SRP72: variants seen among roughly 807,000 people sequenced by gnomAD.
SRP72 encodes the protein signal recognition particle subunit SRP72.
In SRP72, 49 loss-of-function variants were observed where a neutral mutation model predicts 96.3. That is an observed-to-expected ratio of 0.51 (90% CI 0.40 to 0.65). The LOEUF (loss-of-function observed/expected upper bound fraction) is 0.65, where lower values mean the gene tolerates loss of function less well. SRP72 is among the 30% of genes least tolerant of loss of function. The probability of loss-of-function intolerance (pLI) is 0.00; values close to 1 mark genes in which losing one functional copy is unlikely to be tolerated. For missense variants in SRP72, 736 were observed against 793.3 expected, an observed-to-expected ratio of 0.93 and a Z score of 0.87; for synonymous variants, 267 against 275.2, an observed-to-expected ratio of 0.97 and a Z score of 0.30.
chr4:56,487,706 A>AG (rs1720765512), intron 11 of SRP72, among the ~76,000 whole-genome samples: 1 of 152,208 alleles, frequency 6.6e-6, no homozygotes, highest in South Asian at 2.1e-4. Context: ...CAGCTCTGCC[A>AG]TTAACTTTCT....
chr4:56,484,784 G>T lies in SRP72; in HGVS notation c.1006G>T (p.Glu336Ter). ...ISASLQSQSP[E>*]HLLPVLIQAA... ...TGCCAGTTTACAGTCCCAAAGTCCC[G>T]AGCATCTCTTACCTGTGTTAATCCA... is the stretch of plus-strand genomic sequence containing the variant. Residue 336 changes from glutamate (E) to a stop codon, truncating the protein, a stop_gained, in exon 10 of 19, where the codon GAG becomes TAG. Coordinates refer to ENST00000642900, the MANE Select transcript of SRP72 (RefSeq NM_006947.4). LOFTEE classifies it high-confidence loss of function. 1 of 1,614,086 alleles carries T rather than the reference G, an allele frequency of 6.2e-7. No individual in the cohort carries two copies. Among genetic ancestry groups the T allele is most frequent in the Non-Finnish European group, 8.5e-7 (1 of 1,180,022 alleles).
chr4:56,484,610 C>A, intron 9 of SRP72, 126 bp from the exon 10 acceptor site: 1 of 1,247,694 alleles, frequency 8.0e-7, no homozygotes, highest in Non-Finnish European at 1.1e-6. Flanking sequence ...GATTCTCTTA[C>A]CCTAGGCAGT....
chr4:56,485,363 A>G (rs1171313112), intron 10 of SRP72, among the ~76,000 whole-genome samples: 1 of 148,690 alleles, frequency 6.7e-6, no homozygotes, highest in East Asian at 2.0e-4. Flanking sequence ...TAACAGGGAC[A>G]CTCAGTGAAG....
At chr4:56,476,792 T>A (rs765457494) in intron 6 of SRP72, 90 bp downstream of exon 6, 95 of 1,359,022 alleles carry the variant, frequency 7.0e-5, no homozygotes, top group Non-Finnish European at 9.4e-5. Flanking sequence ...TTGACTTTTT[T>A]TAGAAGATGG....
At position 56,489,406 on chromosome 4, in the gene SRP72, A is replaced by G; in HGVS notation, c.1243A>G (p.Met415Val). ...KPGMVSALVT[M>V]YSHEEDIDSA... is the part of the protein sequence containing the mutation. ...TGTGTAGGTATCTGCATTAGTTACC[A>G]TGTATAGCCATGAAGAAGATATTGA... The change falls in exon 13 of 19, where the codon ATG becomes GTG. Residue 415 changes from methionine to valine, a missense_variant. By Grantham distance (21) the Met-to-Val change is conservative (BLOSUM62 1). This residue lies in a region of SRP72 where 388 missense variants were observed against 431.8 expected (regional missense o/e 0.90). Transcript: ENST00000642900. 6.3e-7 allele frequency: 1 copy of G among 1,596,608 alleles called. No individual in the cohort carries two copies.
At chr4:56,473,262 A>C (rs889127250) in intron 3 of SRP72, among the ~76,000 whole-genome samples, 2 of 152,050 alleles carry the variant, frequency 1.3e-5, no homozygotes, top group South Asian at 4.1e-4. Flanking sequence ...GATCGAGACC[A>C]TCCTGGCTAA....
In SRP72 at chr4:56,490,630, C is replaced by G. The variant is rs556275625; in HGVS notation, c.1487C>G (p.Pro496Arg). The G allele has an allele frequency of 6.2e-7, 1 of 1,613,744 alleles. No individual in the cohort carries two copies. Among genetic ancestry groups the G allele is most frequent in the African/African-American group, 1.3e-5 (1 of 75,016 alleles). The part of the protein sequence containing the change: ...QLISAYSLVD[P>R]EKAKALSKHL... ...ATTTCTGCTTACTCACTTGTAGATCCAGAGAAAGCCAAAGCGTATCCTTTT... is the reference window on the plus strand; with the variant it reads ...ATTTCTGCTTACTCACTTGTAGATCGAGAGAAAGCCAAAGCGTATCCTTTT... Residue 496 changes from proline to arginine, a missense_variant, in exon 15 of 19, where the codon CCA (proline) becomes CGA (arginine). Coordinates refer to ENST00000642900, the MANE Select transcript of SRP72 (RefSeq NM_006947.4).
chr4:56,494,297 TGTC>T (rs1164404919), intron 16 of SRP72, among the ~76,000 whole-genome samples: 1 of 152,204 alleles, frequency 6.6e-6, no homozygotes, highest in African/African-American at 2.4e-5. Flanking sequence ...TAGGAATTGT[TGTC>T]TCATCTTTTT....
Position 56,491,581 on chromosome 4 carries a change from AT to A in SRP72, c.1640+15del. ...CAAAGGAACAAGGGTAATATTTTTC[AT>A]TGTAACGTTCTCTAATGCTGATTTT... On this transcript the variant is annotated intron_variant, in intron 16 of 18. Transcript: ENST00000642900. 6.2e-7 allele frequency: 1 copy of A among 1,611,000 alleles called. No individual in the cohort carries two copies. The highest frequency in any genetic ancestry group is 8.5e-7 in the Non-Finnish European group (1 of 1,178,046).
rs931466591 is a variant in SRP72, at chr4:56,497,514, C to T, written c.1678+2120C>T. Reference sequence around the variant, plus strand: ...GATTACAGGCGTGAGCCACTGCGCCCGGCCTGCACTTCAGTTTTTAACCAA... The same window carrying T: ...GATTACAGGCGTGAGCCACTGCGCCTGGCCTGCACTTCAGTTTTTAACCAA... On this transcript the variant is annotated intron_variant, in intron 17 of 18. Transcript: ENST00000642900. Among the ~76,000 whole-genome samples the T allele has an allele frequency of 2.6e-5, 4 of 152,034 alleles. No homozygotes were observed. The East Asian group carries it at 7.7e-4, about 29-fold the overall frequency.
At chr4:56,468,365 C>T (rs1719833667) in intron 1 of SRP72, among the ~76,000 whole-genome samples, 1 of 152,178 alleles carries the variant, frequency 6.6e-6, no homozygotes, top group Admixed American at 6.5e-5. Flanking sequence ...GAAATAATGT[C>T]GGAAGAAAAG....
chr4:56,499,409 C>T (rs1721183751), intron 17 of SRP72, among the ~76,000 whole-genome samples: 2 of 152,132 alleles, frequency 1.3e-5, no homozygotes, highest in Non-Finnish European at 2.9e-5. Flanking sequence ...AGCTTCTGCA[C>T]AGCAAAAGAA....
Position 56,467,691 on chromosome 4 carries a change from A to G in SRP72, c.56A>G (p.Asn19Ser). 1.3e-6 allele frequency: 2 copies of G among 1,546,752 alleles called. No homozygotes were observed. Among genetic ancestry groups the G allele is most frequent in the Non-Finnish European group, 1.7e-6 (2 of 1,147,034 alleles). ...VSVPALWSEV[N>S]RYGQNGDFTR... The stretch of plus-strand genomic sequence containing the variant: ...GTACCTGCGCTGTGGAGTGAAGTGA[A>G]CCGGTATGGCCAGAACGGCGACTTC... Residue 19 changes from asparagine to serine, a missense_variant, in exon 1 of 19, where the codon AAC (asparagine) becomes AGC (serine). Around this residue, in one of 3 missense-constraint regions of SRP72, gnomAD observed 329 missense variants for 319.0 expected, o/e 1.03. Coordinates refer to ENST00000642900, the MANE Select transcript of SRP72 (RefSeq NM_006947.4).
intron 17 of SRP72, 56 bp downstream of exon 17, chr4:56,495,450 GC>G: frequency 6.6e-6 from 8 of 1,211,410 alleles, no homozygotes; most frequent in Non-Finnish European, 8.1e-6. Context: ...TTTGATTTTA[GC>G]CCTATATAGA....
intron 1 of SRP72, among the ~76,000 whole-genome samples, chr4:56,468,262 G>A (rs964999867): frequency 6.6e-6 from 1 of 152,144 alleles, no homozygotes; most frequent in Non-Finnish European, 1.5e-5. Context: ...AGAGGAAAGG[G>A]CTGGATCTGG....
intron 3 of SRP72, among the ~76,000 whole-genome samples, chr4:56,473,184 G>A (rs1358850609): frequency 6.6e-6 from 1 of 152,084 alleles, no homozygotes. Flanking sequence ...CTAATTTCAA[G>A]AAGAAAGGTA....
chr4:56,467,672 G>C lies in SRP72; in HGVS notation c.37G>C (p.Ala13Pro). The C allele has an allele frequency of 6.4e-7, 1 of 1,566,492 alleles. No individual in the cohort carries two copies. Residue 13 changes from alanine (A) to proline (P), a missense_variant, in exon 1 of 19, where the codon GCG becomes CCG. By Grantham distance (27) the Ala-to-Pro change is conservative (BLOSUM62 -1). Transcript: ENST00000642900. ...CGGCAGCGGGGGGGTGTCAGTACCT[G>C]CGCTGTGGAGTGAAGTGAACCGGTA... is the stretch of plus-strand genomic sequence containing the variant. ...SGGSGGVSVPALWSEVNRYGQ... is the reference protein window; with the variant it reads ...SGGSGGVSVPPLWSEVNRYGQ...
intron 17 of SRP72, 60 bp from the exon 18 acceptor site, chr4:56,500,476 A>AAAC: frequency 6.5e-7 from 1 of 1,540,316 alleles, no homozygotes; most frequent in Non-Finnish European, 8.9e-7. Flanking sequence ...GACATCGTTT[A>AAAC]AACAAACTAT....
chr4:56,474,417 T>C lies in SRP72; in HGVS notation c.610+26T>C, dbSNP rs764806548. On this transcript the variant is annotated intron_variant, in intron 5 of 18. Transcript: ENST00000642900. ...GTTGGAAGTTTGTTAAACTTATCTGTAAATATAACGTGCATATAACTTTGT... is the reference window on the plus strand; with the variant it reads ...GTTGGAAGTTTGTTAAACTTATCTGCAAATATAACGTGCATATAACTTTGT... 2.6e-5 allele frequency: 41 copies of C among 1,587,308 alleles called. No homozygotes were observed. In the South Asian group the frequency reaches 4.3e-4, roughly 17 times the overall value.
Sources: gnomAD v4.1 joint callset for allele counts (sites outside exome capture counted in the v4.1 genomes callset) on GRCh38, gnomAD v4.1.1 for gene constraint, gnomAD v4.1.1 regional missense constraint, MANE v1.5 for transcripts, NCBI Gene and HGNC (gene_info 2026-07-23, HGNC 2026-07-21) for gene names.